Variants in NHSL2 observed in about 807,000 individuals in gnomAD.
NHSL2 encodes the protein NHS-like protein 2.
Under a neutral mutation model 53.4 loss-of-function variants are expected in NHSL2, and 27 were observed. The ratio of observed to expected loss-of-function variants is 0.51; its 90% confidence interval spans 0.37 to 0.70. The LOEUF is 0.70. NHSL2 is among the 30% of genes least tolerant of loss of function. NHSL2 has a pLI of 0.00. For missense variants in NHSL2, 892 were observed against 980.1 expected, an observed-to-expected ratio of 0.91 and a Z score of 1.20; for synonymous variants, 408 against 404.1, an observed-to-expected ratio of 1.01 and a Z score of -0.12.
chrX:72,095,386 T>G (rs147782301), intron 1 of NHSL2, among the ~76,000 whole-genome samples: 117 of 112,685 alleles, frequency 1.0e-3, no homozygotes, highest in African/African-American at 3.7e-3. Flanking sequence ...GTGCCCATTA[T>G]GTAGCTGCCA....
chrX:71,946,023 A>T (rs1209231126), intron 1 of NHSL2, among the ~76,000 whole-genome samples: 1 of 112,228 alleles, frequency 8.9e-6, no homozygotes, highest in Non-Finnish European at 1.9e-5. Flanking sequence ...AGGCTGACAT[A>T]CCGGCTGTGC....
rs1203151729 is a variant in NHSL2 at position 72,146,902 on chromosome X, C to T, written c.*3328C>T. The T allele has an allele frequency of 1.8e-5, 2 of 111,558 alleles. No homozygotes were observed. Among genetic ancestry groups the T allele is most frequent in the Admixed American group, 1.9e-4 (2 of 10,446 alleles). 9.2% of individuals were successfully genotyped at this position (111,558 alleles called of 1,213,427 possible). On this transcript the variant is annotated 3_prime_UTR_variant, in exon 8 of 8. Coordinates refer to ENST00000633930, the MANE Select transcript of NHSL2 (RefSeq NM_001013627.3). ...ATGAACTGCATCCCTAGCACAACAA[C>T]TCACCCATAAAGGAAGTGAGACAAC...
At chrX:72,033,704 A>G (rs1307580026) in intron 1 of NHSL2, among the ~76,000 whole-genome samples, 2 of 112,475 alleles carry the variant, frequency 1.8e-5, no homozygotes, top group Non-Finnish European at 3.7e-5. Context: ...GTGCTAATAT[A>G]TAGAAATGCA....
intron 1 of NHSL2, among the ~76,000 whole-genome samples, chrX:71,919,481 T>C (rs1265534075): frequency 2.7e-5 from 3 of 112,073 alleles, no homozygotes; most frequent in Admixed American, 1.9e-4. Context: ...ACTGTCAAGA[T>C]GAAGTTATAA....
intron 1 of NHSL2, among the ~76,000 whole-genome samples, chrX:71,938,881 C>T (rs1453230113): frequency 8.9e-6 from 1 of 112,599 alleles, no homozygotes; most frequent in Non-Finnish European, 1.9e-5. Flanking sequence ...TTGGAGAAGG[C>T]AAGTGAACAG....
intron 1 of NHSL2, among the ~76,000 whole-genome samples, chrX:71,957,468 G>A (rs868590250): frequency 1.8e-5 from 2 of 112,049 alleles, no homozygotes; most frequent in Admixed American, 9.4e-5. Context: ...GGGTTTCACC[G>A]TGTTAGCCAG....
intron 1 of NHSL2, among the ~76,000 whole-genome samples, chrX:71,934,790 A>G (rs1029075174): frequency 9.0e-6 from 1 of 111,157 alleles, no homozygotes; most frequent in Admixed American, 9.5e-5. Flanking sequence ...TGGATTGGAG[A>G]TGGGGAGTAA....
chrX:72,148,741 G>A lies in NHSL2; in HGVS notation c.*5167G>A, dbSNP rs1424618675. 1.8e-5 allele frequency: 2 copies of A among 110,716 alleles called. No individual in the cohort carries two copies. Among genetic ancestry groups the A allele is most frequent in the African/African-American group, 6.6e-5 (2 of 30,356 alleles). The allele number at this position is 110,716 out of a possible 1,213,427, so 9.1% of individuals were successfully genotyped here. On this transcript the variant is annotated 3_prime_UTR_variant, in exon 8 of 8. Transcript: ENST00000633930. The stretch of plus-strand genomic sequence containing the variant: ...GAAATGGGCATTATACTTTTGTTCA[G>A]TAAAGCCCAAAATCTAGGCCAATGG...
In NHSL2 at chrX:72,132,096, C is replaced by G; in HGVS notation, c.298C>G (p.Arg100Gly). Residue 100 changes from arginine (R) to glycine (G), a missense_variant, in exon 2 of 8, where the codon CGG (arginine) becomes GGG (glycine). Physicochemically the swap from Arg to Gly is moderately radical, Grantham distance 125. Transcript: ENST00000633930. Reference sequence around the variant, plus strand: ...TTCCCTAGCTGCAGCTAACTCGGGTCGGGAAAATGCGACAGCGACTGCCCA... The same window carrying G: ...TTCCCTAGCTGCAGCTAACTCGGGTGGGGAAAATGCGACAGCGACTGCCCA... Reference protein sequence around the residue: ...EEELAAANSGRENATATAHSR... With the variant: ...EEELAAANSGGENATATAHSR... The G allele has an allele frequency of 8.6e-7, 1 of 1,166,729 alleles. No individual in the cohort carries two copies. Among genetic ancestry groups the G allele is most frequent in the Non-Finnish European group, 1.1e-6 (1 of 872,290 alleles).
intron 1 of NHSL2, among the ~76,000 whole-genome samples, chrX:72,024,173 C>T (rs749969209): frequency 1.8e-5 from 2 of 112,067 alleles, no homozygotes; most frequent in South Asian, 3.7e-4. Context: ...AATTAGGGAG[C>T]GCTGTGGGTT....
At chrX:71,954,180 A>G (rs2041832756) in intron 1 of NHSL2, among the ~76,000 whole-genome samples, 1 of 112,145 alleles carries the variant, frequency 8.9e-6, no homozygotes, top group Non-Finnish European at 1.9e-5. Context: ...CAGGCACTAC[A>G]TGAGCCAGGA....
At chrX:72,118,134 C>T (rs996119056) in intron 1 of NHSL2, among the ~76,000 whole-genome samples, 1 of 111,405 alleles carries the variant, frequency 9.0e-6, no homozygotes, top group African/African-American at 3.3e-5. Context: ...TCCGCACCAA[C>T]ATTTGTTTGA....
At chrX:72,134,378 C>A in intron 3 of NHSL2, 131 bp from the exon 4 acceptor site, 1 of 834,608 alleles carries the variant, frequency 1.2e-6, no homozygotes, top group South Asian at 2.6e-5. Flanking sequence ...GGTGCCTGGC[C>A]TGGTGGCCTG....
At position 72,138,903 on chromosome X, in the gene NHSL2, G is replaced by A. The variant is rs1569483908; in HGVS notation, c.1355G>A (p.Ser452Asn). 3 of 1,210,329 alleles carry A rather than the reference G, an allele frequency of 2.5e-6. No individual in the cohort carries two copies. The highest frequency in any genetic ancestry group is 3.4e-6 in the Non-Finnish European group (3 of 894,365). The stretch of plus-strand genomic sequence containing the variant: ...GCTCGTGATAACCCAGCAGGATGCA[G>A]TGGGTCAGCTGGCTACCCTGAGCGC... ...LVARDNPAGC[S>N]GSAGYPERLI... Residue 452 changes from serine to asparagine, a missense_variant, in exon 6 of 8, where the codon AGT (serine) becomes AAT (asparagine). Coordinates refer to ENST00000633930, the MANE Select transcript of NHSL2 (RefSeq NM_001013627.3).
At chrX:71,963,999 A>ATATATATG (rs1491186994) in intron 1 of NHSL2, among the ~76,000 whole-genome samples, 11 of 39,390 alleles carry the variant, frequency 2.8e-4, no homozygotes, top group African/African-American at 1.2e-3. Context: ...ATATGTATAT[A>ATATATATG]CATATATATA....
intron 1 of NHSL2, among the ~76,000 whole-genome samples, chrX:72,008,733 G>T (rs1296335622): frequency 8.9e-6 from 1 of 112,118 alleles, no homozygotes. Flanking sequence ...TTTTGCCCTG[G>T]TCATTGTAGT....
chrX:72,096,116 A>G (rs185448487), intron 1 of NHSL2, among the ~76,000 whole-genome samples: 1 of 109,341 alleles, frequency 9.1e-6, no homozygotes, highest in East Asian at 2.9e-4. Context: ...GCTCTTTTAA[A>G]AAGCTGACTG....
chrX:71,916,350 C>T (rs1307068723), intron 1 of NHSL2, among the ~76,000 whole-genome samples: 7 of 112,573 alleles, frequency 6.2e-5, no homozygotes, highest in Admixed American at 2.8e-4. Context: ...TCTTATCCTT[C>T]AGTGCTCAAG....
chrX:72,139,265 C>T lies in NHSL2; in HGVS notation c.1717C>T (p.Arg573Cys). Residue 573 changes from arginine to cysteine, a missense_variant, in exon 6 of 8, where the codon CGC (arginine) becomes TGC (cysteine). By Grantham distance (180) the Arg-to-Cys change is radical. Transcript: ENST00000633930. Reference sequence around the variant, plus strand: ...CAAAAAGAAGCCTTCCCCACCCACACGCAGTGTCTCACTGGTCAAAGATGA... The same window carrying T: ...CAAAAAGAAGCCTTCCCCACCCACATGCAGTGTCTCACTGGTCAAAGATGA... ...KAKKKPSPPT[R>C]SVSLVKDEPG... 3 of 1,196,669 alleles carry T rather than the reference C, an allele frequency of 2.5e-6. No homozygotes were observed. The highest frequency in any genetic ancestry group is 1.8e-5 in the South Asian group (1 of 55,077).
Sources: allele counts gnomAD v4.1 joint callset (sites outside exome capture counted in the v4.1 genomes callset), GRCh38; gene constraint gnomAD v4.1.1; transcripts MANE v1.5; gene names NCBI Gene and HGNC (gene_info 2026-07-23, HGNC 2026-07-21).